Variants in GRIK2 observed in about 807,000 individuals in gnomAD.
GRIK2 encodes glutamate ionotropic receptor kainate type subunit 2, also known as glutamate receptor ionotropic, kainate 2.
A neutral mutation model predicts 100.3 loss-of-function variants in GRIK2; 32 were observed. That is an observed-to-expected ratio of 0.32 (90% CI 0.24 to 0.43). The LOEUF is 0.43. Among genes scored for constraint, GRIK2 ranks in the 20% least tolerant of loss-of-function variants. The pLI, the probability that GRIK2 is intolerant of heterozygous loss-of-function variation, is 1.00. For synonymous variants in GRIK2, 417 were observed against 389.4 expected, an observed-to-expected ratio of 1.07 and a Z score of -0.83; for missense variants, 843 against 1,114.9, an observed-to-expected ratio of 0.76 and a Z score of 3.47.
At chr6:101,835,596 G>A (rs1000070476) in intron 10 of GRIK2, among the ~76,000 whole-genome samples, 1 of 145,566 alleles carries the variant, frequency 6.9e-6, no homozygotes, top group Non-Finnish European at 1.5e-5. Context: ...TCAGCCCCCC[G>A]AGCAGCTAGG....
chr6:101,505,251 C>A (rs964450321), intron 2 of GRIK2, among the ~76,000 whole-genome samples: 1 of 152,060 alleles, frequency 6.6e-6, no homozygotes, highest in African/African-American at 2.4e-5. Flanking sequence ...CTTCTAGTAC[C>A]TGGCACGTTT....
At chr6:101,829,739 C>A (rs934177759) in intron 10 of GRIK2, among the ~76,000 whole-genome samples, 14 of 151,772 alleles carry the variant, frequency 9.2e-5, no homozygotes, top group Non-Finnish European at 7.4e-5. Flanking sequence ...ACAACAACAG[C>A]AACAACAAAA....
chr6:101,712,609 A>G (rs1363041507), intron 7 of GRIK2, among the ~76,000 whole-genome samples: 2 of 151,790 alleles, frequency 1.3e-5, no homozygotes, highest in African/African-American at 2.4e-5. Context: ...TGTTACAGAT[A>G]AAGATTTAAA....
chr6:101,815,620 TAAA>T (rs3995810), intron 9 of GRIK2, among the ~76,000 whole-genome samples: 2 of 142,122 alleles, frequency 1.4e-5, no homozygotes, highest in Non-Finnish European at 3.1e-5. Context: ...GTTTCAGAGC[TAAA>T]AAAAAAAAAA....
chr6:101,988,901 T>C (rs1794202773), intron 14 of GRIK2, among the ~76,000 whole-genome samples: 2 of 151,970 alleles, frequency 1.3e-5, no homozygotes, highest in African/African-American at 4.8e-5. Context: ...AGGAAGTTAT[T>C]AGCATAGTGT....
intron 2 of GRIK2, among the ~76,000 whole-genome samples, chr6:101,616,421 T>C (rs1052706821): frequency 2.0e-5 from 3 of 151,800 alleles, no homozygotes; most frequent in Non-Finnish European, 4.4e-5. Context: ...GTTAATATAT[T>C]GTTATGCATA....
At chr6:101,812,952 G>A (rs937665972) in intron 9 of GRIK2, among the ~76,000 whole-genome samples, 2 of 151,950 alleles carry the variant, frequency 1.3e-5, no homozygotes, top group South Asian at 4.1e-4. Flanking sequence ...GACAATTTAA[G>A]AAAAGAACCA....
intron 12 of GRIK2, among the ~76,000 whole-genome samples, chr6:101,923,022 T>G (rs919181074): frequency 6.6e-6 from 1 of 152,214 alleles, no homozygotes; most frequent in Non-Finnish European, 1.5e-5. Context: ...CAATCAACCT[T>G]TCTGTTTAGT....
chr6:101,671,605 A>G (rs942782662), intron 4 of GRIK2, among the ~76,000 whole-genome samples: 1 of 152,066 alleles, frequency 6.6e-6, no homozygotes, highest in Non-Finnish European at 1.5e-5. Flanking sequence ...GTGGCTCACG[A>G]CTGTAATCCC....
At chr6:101,839,374 A>C (rs1194291846) in intron 10 of GRIK2, among the ~76,000 whole-genome samples, 2 of 152,196 alleles carry the variant, frequency 1.3e-5, no homozygotes, top group Non-Finnish European at 2.9e-5. Context: ...CAGATGTGTG[A>C]AAGAGTTTAG....
At chr6:101,995,366 G>T (rs920969896) in intron 14 of GRIK2, among the ~76,000 whole-genome samples, 3 of 151,862 alleles carry the variant, frequency 2.0e-5, no homozygotes, top group African/African-American at 7.2e-5. Flanking sequence ...TGATTCCATA[G>T]ATTTAAAATT....
rs566863486 is a variant in GRIK2, at chr6:101,939,651, TA to T, written c.2085+11023del. Among the ~76,000 whole-genome samples, 95 of 152,270 alleles carry T rather than the reference TA, an allele frequency of 6.2e-4. 3 individuals carry two copies. The highest frequency in any genetic ancestry group is 2.2e-3 in the African/African-American group (91 of 41,574). ...TACACATTACAGATAGTCAATCTTT[TA>T]AAACGGATTTTATTATTTTAGTGCA... On this transcript the variant is annotated intron_variant, in intron 14 of 16. Transcript: ENST00000369134.
intron 14 of GRIK2, among the ~76,000 whole-genome samples, chr6:101,943,480 G>A (rs1395252205): frequency 2.0e-5 from 3 of 152,160 alleles, no homozygotes; most frequent in Non-Finnish European, 4.4e-5. Flanking sequence ...ACCTGGAAAA[G>A]CCACAGACAC....
chr6:102,066,691 A>G (rs1208079439), intron 16 of GRIK2, among the ~76,000 whole-genome samples: 2 of 151,672 alleles, frequency 1.3e-5, no homozygotes, highest in Non-Finnish European at 3.0e-5. Flanking sequence ...AGATGGAAGC[A>G]GTGGGGAAGG....
intron 2 of GRIK2, among the ~76,000 whole-genome samples, chr6:101,502,818 C>A (rs142135238): frequency 6.6e-6 from 1 of 152,172 alleles, no homozygotes; most frequent in East Asian, 1.9e-4. Context: ...AATCCCCTTG[C>A]CATCATTCTA....
chr6:101,648,448 T>C (rs1337420), intron 4 of GRIK2, among the ~76,000 whole-genome samples: 16,552 of 152,138 alleles, frequency 0.11, 1,048 homozygotes, highest in Admixed American at 0.16. Context: ...TCAGAAACCA[T>C]GAATTGTTAG....
intron 2 of GRIK2, among the ~76,000 whole-genome samples, chr6:101,608,097 C>G (rs1779513642): frequency 1.3e-5 from 2 of 151,776 alleles, no homozygotes; most frequent in African/African-American, 4.8e-5. Flanking sequence ...AATAATGTAG[C>G]AATTTTTTTC....
At chr6:101,955,763 C>T (rs148566438) in intron 14 of GRIK2, among the ~76,000 whole-genome samples, 32 of 151,960 alleles carry the variant, frequency 2.1e-4, no homozygotes, top group African/African-American at 5.3e-4. Flanking sequence ...TGTAGGCAAT[C>T]ATCTCACTTT....
rs553460742 is a variant in GRIK2, at chr6:101,662,303, G to A, written c.542-14320G>A. Among the ~76,000 whole-genome samples the A allele has an allele frequency of 1.6e-4, 24 of 152,268 alleles. No individual in the cohort carries two copies. In the East Asian group the frequency reaches 4.4e-3, roughly 28 times the overall value. On this transcript the variant is annotated intron_variant, in intron 4 of 16. Transcript: ENST00000369134. ...GAAAATAATGAAACAGAAACACTAA[G>A]AAGAACAGAAGTGAAAGAAGGTGAC... is the stretch of plus-strand genomic sequence containing the variant.
Sources: allele counts gnomAD v4.1 joint callset (sites outside exome capture counted in the v4.1 genomes callset), GRCh38; gene constraint gnomAD v4.1.1; transcripts MANE v1.5; gene names NCBI Gene and HGNC (gene_info 2026-07-23, HGNC 2026-07-21).